The following APPL2 variants were observed in gnomAD, a reference collection of about 807,000 sequenced individuals.
The protein encoded by APPL2 is DCC-interacting protein 13-beta.
A neutral mutation model predicts 92.7 loss-of-function variants in APPL2; 84 were observed. The ratio of observed to expected loss-of-function variants is 0.91; its 90% confidence interval spans 0.76 to 1.09. The LOEUF (loss-of-function observed/expected upper bound fraction) is 1.09, where lower values mean the gene tolerates loss of function less well. Ranked by LOEUF, APPL2 falls within the 50% of genes least tolerant of loss-of-function variation. The probability of loss-of-function intolerance (pLI) is 0.00; values close to 1 mark genes in which losing one functional copy is unlikely to be tolerated. For synonymous variants in APPL2, 291 were observed against 291.0 expected, an observed-to-expected ratio of 1.00 and a Z score of 0.00; for missense variants, 736 against 824.5, an observed-to-expected ratio of 0.89 and a Z score of 1.31.
chr12:105,192,791 T>C (rs1887325684), intron 14 of APPL2, among the ~76,000 whole-genome samples: 1 of 152,214 alleles, frequency 6.6e-6, no homozygotes, highest in Admixed American at 6.5e-5. Flanking sequence ...CTGCGTTTTC[T>C]TACCTAGGCC....
At chr12:105,176,198 A>G in intron 19 of APPL2, 116 bp from the exon 20 acceptor site, 2 of 902,460 alleles carry the variant, frequency 2.2e-6, no homozygotes, top group Non-Finnish European at 3.4e-6. Flanking sequence ...ACTTGGGAAC[A>G]CAGGACCTGG....
chr12:105,227,931 A>G (rs1890642753), intron 2 of APPL2, among the ~76,000 whole-genome samples: 1 of 152,206 alleles, frequency 6.6e-6, no homozygotes, highest in Admixed American at 6.5e-5. Context: ...CAACTCTTAC[A>G]ATCACCCTCC....
At chr12:105,202,789 A>C (rs1888325971) in intron 9 of APPL2, among the ~76,000 whole-genome samples, 1 of 152,200 alleles carries the variant, frequency 6.6e-6, no homozygotes, top group South Asian at 2.1e-4. Flanking sequence ...ATATGCTCTC[A>C]ACTTGCTTTG....
chr12:105,201,719 T>C (rs547963405), intron 9 of APPL2, among the ~76,000 whole-genome samples: 2 of 152,130 alleles, frequency 1.3e-5, no homozygotes, highest in Non-Finnish European at 2.9e-5. Context: ...CATGTATATA[T>C]ATACACACAC....
At chr12:105,174,875 G>T (rs1156961395) in intron 20 of APPL2, among the ~76,000 whole-genome samples, 1 of 75,426 alleles carries the variant, frequency 1.3e-5, no homozygotes. Flanking sequence ...CTTTTTTTTG[G>T]TGGGGGGGGG....
chr12:105,227,368 T>C (rs1890591685), intron 2 of APPL2, among the ~76,000 whole-genome samples: 1 of 152,186 alleles, frequency 6.6e-6, no homozygotes, highest in Non-Finnish European at 1.5e-5. Context: ...GTACTCTGGA[T>C]CTGAACTTTC....
At position 105,207,051 on chromosome 12, in the gene APPL2, A is replaced by G. The variant is rs1286144512; in HGVS notation, c.621+10T>C. The G allele has an allele frequency of 6.2e-7, 1 of 1,609,834 alleles. No homozygotes were observed. The highest frequency in any genetic ancestry group is 1.1e-5 in the South Asian group (1 of 90,268). ...CTTAGGTTTCAGCCCTCAGGGAGGG[A>G]CTCCCCTACCTGTCCATGGGCAAAG... On this transcript the variant is annotated intron_variant, in intron 8 of 20. Transcript: ENST00000258530.
intron 2 of APPL2, among the ~76,000 whole-genome samples, chr12:105,227,693 A>T (rs1890623864): frequency 6.6e-6 from 1 of 152,150 alleles, no homozygotes; most frequent in South Asian, 2.1e-4. Flanking sequence ...CCCTATGCTT[A>T]GGAGTGAAGA....
intron 17 of APPL2, among the ~76,000 whole-genome samples, chr12:105,179,005 C>CT (rs1885838136): frequency 6.6e-6 from 1 of 152,176 alleles, no homozygotes; most frequent in East Asian, 1.9e-4. Flanking sequence ...TATTATTATA[C>CT]TTTAAGTTCT....
chr12:105,234,757 T>C (rs555546985), intron 1 of APPL2, among the ~76,000 whole-genome samples: 1 of 149,222 alleles, frequency 6.7e-6, no homozygotes, highest in African/African-American at 2.5e-5. Flanking sequence ...GGCTTTAGTC[T>C]GATTAAAATG....
At chr12:105,235,618 C>T (rs1283504069) in intron 1 of APPL2, among the ~76,000 whole-genome samples, 4 of 152,224 alleles carry the variant, frequency 2.6e-5, no homozygotes, top group Non-Finnish European at 5.9e-5. Flanking sequence ...GACGACAAAA[C>T]TAAGGCACAA....
intron 17 of APPL2, among the ~76,000 whole-genome samples, chr12:105,177,770 A>G (rs558649427): frequency 6.6e-6 from 1 of 152,288 alleles, no homozygotes; most frequent in East Asian, 1.9e-4. Flanking sequence ...AGTATTCCAA[A>G]ATATATTTCC....
intron 12 of APPL2, 23 bp downstream of exon 12, chr12:105,195,562 A>C: frequency 6.2e-7 from 1 of 1,614,248 alleles, no homozygotes; most frequent in Non-Finnish European, 8.5e-7. Context: ...TTAGGAAAGA[A>C]ATATGACAAA....
intron 4 of APPL2, among the ~76,000 whole-genome samples, chr12:105,216,673 C>T (rs966801696): frequency 6.6e-5 from 10 of 152,316 alleles, no homozygotes; most frequent in Non-Finnish European, 1.2e-4. Context: ...CCGGAGCCAA[C>T]GGAAGCAGTG....
At position 105,208,179 on chromosome 12, in the gene APPL2, G is replaced by A. The variant is rs147095029; in HGVS notation, c.394C>T (p.Leu132=). 2 of 1,614,224 alleles carry A rather than the reference G, an allele frequency of 1.2e-6. No individual in the cohort carries two copies. Among genetic ancestry groups the A allele is most frequent in the Non-Finnish European group, 1.7e-6 (2 of 1,180,038 alleles). The change falls in exon 6 of 21, where the codon CTA becomes TTA. Residue 132 remains leucine (L), a synonymous_variant. Transcript: ENST00000258530. The part of the protein sequence containing the change: ...DLTEVSTLKD[L]FGLASNEHDL... ...CTACCATTGCTAGCGAGTCCAAATA[G>A]ATCCTTTAAAGTGCTTACTTCTGAA...
At position 105,199,537 on chromosome 12, in the gene APPL2, G is replaced by A. The variant is rs747461038; in HGVS notation, c.705-6C>T. The A allele has an allele frequency of 5.6e-6, 9 of 1,612,890 alleles. No homozygotes were observed. In the South Asian group the frequency reaches 9.9e-5, roughly 18 times the overall value. Reference sequence around the variant, plus strand: ...CTTCCAGTTCTACCTGAATGCTTAAGACAGAAGGTGTTGGGTCAGTTACTC... The same window carrying A: ...CTTCCAGTTCTACCTGAATGCTTAAAACAGAAGGTGTTGGGTCAGTTACTC... On this transcript the variant is annotated splice_region_variant and splice_polypyrimidine_tract_variant and intron_variant, in intron 9 of 20. Coordinates refer to ENST00000258530, the MANE Select transcript of APPL2 (RefSeq NM_018171.5).
intron 17 of APPL2, among the ~76,000 whole-genome samples, chr12:105,187,410 T>C (rs1886828536): frequency 6.6e-6 from 1 of 152,020 alleles, no homozygotes; most frequent in Non-Finnish European, 1.5e-5. Context: ...CAGTGGAGGG[T>C]GTGAATAGTT....
chr12:105,203,469 C>T (rs1888401992), intron 9 of APPL2: 1 of 491,508 alleles, frequency 2.0e-6, no homozygotes, highest in Non-Finnish European at 3.6e-6. Flanking sequence ...AGGCTTGTGA[C>T]ATGTGAAACT....
chr12:105,226,392 T>G (rs2136080923), intron 2 of APPL2, among the ~76,000 whole-genome samples: 1 of 152,220 alleles, frequency 6.6e-6, no homozygotes, highest in South Asian at 2.1e-4. Flanking sequence ...AGGAAGGGTT[T>G]CTGGCCAGCA....
Sources: allele counts gnomAD v4.1 joint callset (sites outside exome capture counted in the v4.1 genomes callset), GRCh38; gene constraint gnomAD v4.1.1; transcripts MANE v1.5; gene names NCBI Gene and HGNC (gene_info 2026-07-23, HGNC 2026-07-21).